ARHGAP8: variants seen among roughly 807,000 people sequenced by gnomAD.
ARHGAP8 encodes rho GTPase-activating protein 8.
Under a neutral mutation model 46.1 loss-of-function variants are expected in ARHGAP8, and 62 were observed. That is an observed-to-expected ratio of 1.34 (90% confidence interval 1.10 to 1.66). ARHGAP8 has a LOEUF of 1.66. Among genes scored for constraint, ARHGAP8 ranks in the 40% most tolerant of loss-of-function variants. ARHGAP8 has a pLI of 0.00. For missense variants in ARHGAP8, 923 were observed against 568.4 expected, an observed-to-expected ratio of 1.62 and a Z score of -6.34; for synonymous variants, 375 against 243.1, an observed-to-expected ratio of 1.54 and a Z score of -5.05.
At chr22:44,857,826 G>C (rs138123980) in intron 10 of ARHGAP8, among the ~76,000 whole-genome samples, 3 of 152,258 alleles carry the variant, frequency 2.0e-5, no homozygotes, top group Non-Finnish European at 4.4e-5. Context: ...CTCTACACTG[G>C]GGTGGTTGAA....
chr22:44,786,282 C>T (rs571334262), intron 1 of ARHGAP8, among the ~76,000 whole-genome samples, 175 bp from the exon 2 acceptor site: 9 of 150,450 alleles, frequency 6.0e-5, no homozygotes, highest in East Asian at 5.9e-4. Flanking sequence ...TGAGGCAGGG[C>T]GCCTAGTGGG....
At position 44,803,459 on chromosome 22, in the gene ARHGAP8, G is replaced by A. The variant is rs142644989; in HGVS notation, c.167+1295G>A. Among the ~76,000 whole-genome samples the A allele has an allele frequency of 6.4e-3, 979 of 151,970 alleles. 5 individuals are homozygous for A. Among genetic ancestry groups the A allele is most frequent in the Non-Finnish European group, 9.8e-3 (668 of 67,924 alleles). On this transcript the variant is annotated intron_variant, in intron 3 of 11. Coordinates refer to ENST00000356099, the MANE Select transcript of ARHGAP8 (RefSeq NM_181335.3). ...CTCATAGCCACCAAAGCTGTGTGTG[G>A]CCTCTCCCTGTACATTACCCCTCCT...
chr22:44,821,429 G>GAA (rs1555915398), intron 5 of ARHGAP8, among the ~76,000 whole-genome samples: 24 of 149,844 alleles, frequency 1.6e-4, no homozygotes, highest in African/African-American at 4.9e-4. Context: ...ACTCCATCTC[G>GAA]AAAAAAAAAA....
At chr22:44,762,733 G>A (rs1925235603) in intron 1 of ARHGAP8, among the ~76,000 whole-genome samples, 1 of 151,854 alleles carries the variant, frequency 6.6e-6, no homozygotes, top group Non-Finnish European at 1.5e-5. Context: ...TATTAGAGAT[G>A]AGGTCTCACC....
intron 3 of ARHGAP8, among the ~76,000 whole-genome samples, chr22:44,805,277 G>A (rs544883983): frequency 1.7e-4 from 26 of 152,356 alleles, no homozygotes; most frequent in African/African-American, 4.6e-4. Context: ...GACAGAAAGC[G>A]AATTGGTGGT....
intron 8 of ARHGAP8, among the ~76,000 whole-genome samples, chr22:44,845,669 C>T (rs563957611): frequency 3.1e-4 from 47 of 152,264 alleles, no homozygotes; most frequent in Non-Finnish European, 4.3e-4. Context: ...CAAAGCACTT[C>T]GGGCAGTGCT....
chr22:44,859,468 G>C (rs1329288546), intron 10 of ARHGAP8, among the ~76,000 whole-genome samples: 6 of 152,206 alleles, frequency 3.9e-5, no homozygotes, highest in African/African-American at 1.4e-4. Context: ...AGGTGCTGGT[G>C]CCATGCTTGT....
intron 10 of ARHGAP8, among the ~76,000 whole-genome samples, chr22:44,854,024 C>CAAAAAAAAAAAAAAAAA (rs71315119): frequency 4.6e-5 from 2 of 43,282 alleles, no homozygotes; most frequent in East Asian, 6.9e-4. Context: ...GACTCTGTCT[C>CAAAAAAAAAAAAAAAAA]AAAAAAAAAA....
chr22:44,857,985 A>G (rs1030686544), intron 10 of ARHGAP8, among the ~76,000 whole-genome samples: 11 of 152,312 alleles, frequency 7.2e-5, no homozygotes, highest in Non-Finnish European at 1.5e-5. Context: ...ACTTGGGACC[A>G]TAATTCGTAG....
intron 4 of ARHGAP8, 102 bp from the exon 5 acceptor site, chr22:44,814,570 C>T: frequency 3.1e-6 from 3 of 952,918 alleles, no homozygotes; most frequent in Admixed American, 2.4e-5. Context: ...AGAGGAGTAA[C>T]ATTCTGAGAC....
chr22:44,858,671 G>A (rs1014572310), intron 10 of ARHGAP8, among the ~76,000 whole-genome samples: 54 of 151,328 alleles, frequency 3.6e-4, no homozygotes, highest in Middle Eastern at 6.9e-3. Context: ...GTGCCTGGCT[G>A]GTTGGTGGGT....
rs758770187 is a variant in ARHGAP8, at chr22:44,862,267, T to TCC, written c.982-7_982-6dup. 3.8e-6 allele frequency: 6 copies of TCC among 1,580,434 alleles called. No homozygotes were observed. In the African/African-American group the frequency reaches 6.7e-5, roughly 18 times the overall value. On this transcript the variant is annotated splice_region_variant and splice_polypyrimidine_tract_variant and intron_variant, in intron 11 of 11. Transcript: ENST00000356099. Reference sequence around the variant, plus strand: ...CACTCCCCTTTACTTGTGTGTGGTTTCCTCCAGGTGTCCCGGGAGAGCATC... The same window carrying TCC: ...CACTCCCCTTTACTTGTGTGTGGTTTCCCCTCCAGGTGTCCCGGGAGAGCATC...
intron 2 of ARHGAP8, among the ~76,000 whole-genome samples, chr22:44,800,594 G>A (rs1387793276): frequency 1.4e-5 from 1 of 71,946 alleles, no homozygotes; most frequent in African/African-American, 7.2e-5. Context: ...TGTGTGGGGG[G>A]CGCCCCTCCC....
At chr22:44,755,719 C>T (rs1163958897) in intron 1 of ARHGAP8, among the ~76,000 whole-genome samples, 1 of 152,160 alleles carries the variant, frequency 6.6e-6, no homozygotes, top group East Asian at 1.9e-4. Flanking sequence ...TCTTTGGGCC[C>T]CCATTTTCTC....
chr22:44,785,002 T>C (rs1447987946), intron 1 of ARHGAP8, among the ~76,000 whole-genome samples: 2 of 152,054 alleles, frequency 1.3e-5, no homozygotes, highest in African/African-American at 4.8e-5. Flanking sequence ...GCTGAGTAAA[T>C]ACCAGGTAAA....
intron 1 of ARHGAP8, among the ~76,000 whole-genome samples, chr22:44,762,689 G>A (rs1035645924): frequency 1.1e-4 from 17 of 151,652 alleles, no homozygotes; most frequent in East Asian, 7.8e-4. Context: ...GATTACAGGC[G>A]CCCACCACCC....
At chr22:44,798,019 C>A (rs556088783) in intron 2 of ARHGAP8, among the ~76,000 whole-genome samples, 2 of 147,212 alleles carry the variant, frequency 1.4e-5, no homozygotes, top group African/African-American at 5.0e-5. Context: ...CACTCTTGCC[C>A]AGGCTAGAGT....
intron 8 of ARHGAP8, 89 bp downstream of exon 8, chr22:44,845,431 A>G: frequency 6.4e-7 from 1 of 1,563,416 alleles, no homozygotes; most frequent in Non-Finnish European, 8.7e-7. Flanking sequence ...AGCACCCACA[A>G]GCCAGGGGGT....
chr22:44,816,219 G>A (rs992613366), intron 5 of ARHGAP8, among the ~76,000 whole-genome samples: 12 of 152,136 alleles, frequency 7.9e-5, no homozygotes, highest in African/African-American at 2.7e-4. Flanking sequence ...CACAGACACC[G>A]TGTGAGTGGG....
Sources: gnomAD v4.1 joint callset for allele counts (sites outside exome capture counted in the v4.1 genomes callset) on GRCh38, gnomAD v4.1.1 for gene constraint, MANE v1.5 for transcripts, NCBI Gene and HGNC (gene_info 2026-07-23, HGNC 2026-07-21) for gene names.